PHF14: variants seen among roughly 807,000 people sequenced by gnomAD.
PHF14 encodes the protein PHD finger protein 14.
Under a neutral mutation model 117.9 loss-of-function variants are expected in PHF14, and 55 were observed. That is an observed-to-expected ratio of 0.47 (90% CI 0.38 to 0.58). The LOEUF (loss-of-function observed/expected upper bound fraction) is 0.58. Ranked by LOEUF, PHF14 falls within the 20% of genes least tolerant of loss-of-function variation. PHF14 has a pLI of 0.00. For synonymous variants in PHF14, 409 were observed against 368.6 expected, an observed-to-expected ratio of 1.11 and a Z score of -1.26; for missense variants, 978 against 1,122.2, an observed-to-expected ratio of 0.87 and a Z score of 1.84.
At chr7:11,067,466 G>C (rs1785461529) in intron 16 of PHF14, among the ~76,000 whole-genome samples, 2 of 152,108 alleles carry the variant, frequency 1.3e-5, no homozygotes, top group Admixed American at 6.5e-5. Flanking sequence ...ACTGCTTCTA[G>C]CTGTACACCC....
chr7:11,103,592 T>TACATGTAAATTGTCA, intron 16 of PHF14: 4 of 984,080 alleles, frequency 4.1e-6, no homozygotes, highest in Non-Finnish European at 3.6e-6. Flanking sequence ...ATTGCACTTA[T>TACATGTAAATTGTCA]ACATGTAAAT....
rs7800938 is a variant in PHF14, at chr7:11,125,755, T to G, written c.2772+14288T>G. ...TTTTTTCCTCTGGACTATATTCATA[T>G]GATAAATCTAATCTCTGGTCACCTA... is the stretch of plus-strand genomic sequence containing the variant. On this transcript the variant is annotated intron_variant, in intron 17 of 17. Coordinates refer to ENST00000634607, the MANE Select transcript of PHF14 (RefSeq NM_001007157.2). 5.4e-3 allele frequency among the ~76,000 whole-genome samples: 819 copies of G among 152,220 alleles called. 5 individuals carry two copies. The highest frequency in any genetic ancestry group is 0.019 in the African/African-American group (780 of 41,562).
Position 11,013,873 on chromosome 7 carries a change from A to G in PHF14, c.1172A>G (p.Gln391Arg). The G allele has an allele frequency of 4.4e-6, 7 of 1,604,448 alleles. No individual in the cohort carries two copies. The highest frequency in any genetic ancestry group is 6.0e-6 in the Non-Finnish European group (7 of 1,173,100). ...CCTAGCTGTGAACTGTGTCCTAATC[A>G]GGATGGAATTTTCAAGGAGACAGAT... ...VSPSCELCPNQDGIFKETDAG... is the reference protein window; with the variant it reads ...VSPSCELCPNRDGIFKETDAG... The change falls in exon 5 of 18, where the codon CAG becomes CGG. Residue 391 changes from glutamine (Q) to arginine (R), a missense_variant. Gln to Arg is a conservative substitution (Grantham distance 43). This residue lies in a region of PHF14 where 86 missense variants were observed against 137.8 expected (regional missense o/e 0.62). Transcript: ENST00000634607.
intron 14 of PHF14, among the ~76,000 whole-genome samples, chr7:11,057,990 G>T: frequency 6.6e-6 from 1 of 152,182 alleles, no homozygotes; most frequent in East Asian, 1.9e-4. Context: ...GTTTGGAATT[G>T]CACCCTTGCT....
At chr7:11,159,316 G>A (rs928448188) in intron 17 of PHF14, among the ~76,000 whole-genome samples, 77 of 152,088 alleles carry the variant, frequency 5.1e-4, no homozygotes, top group African/African-American at 1.8e-3. Context: ...GGTGCAGAAT[G>A]TGCAGGTTTG....
chr7:11,079,929 A>G (rs1417423382), intron 16 of PHF14, among the ~76,000 whole-genome samples: 3 of 152,154 alleles, frequency 2.0e-5, no homozygotes, highest in African/African-American at 7.2e-5. Flanking sequence ...TGTAACTCAA[A>G]AAGTGCCATA....
At chr7:11,035,296 A>C (rs1583395148) in intron 7 of PHF14, among the ~76,000 whole-genome samples, 1 of 152,124 alleles carries the variant, frequency 6.6e-6, no homozygotes, top group African/African-American at 2.4e-5. Context: ...TTGAGCATCC[A>C]CAGATTTTGG....
chr7:11,092,645 A>G (rs1320326373), intron 16 of PHF14, among the ~76,000 whole-genome samples: 1 of 152,138 alleles, frequency 6.6e-6, no homozygotes, highest in Non-Finnish European at 1.5e-5. Context: ...CCTTTTTTGC[A>G]TATGCCCACA....
chr7:11,094,840 A>G (rs536126436), intron 16 of PHF14, among the ~76,000 whole-genome samples: 1 of 152,132 alleles, frequency 6.6e-6, no homozygotes, highest in Non-Finnish European at 1.5e-5. Context: ...TATGGGGTCT[A>G]TCTTTCTTGT....
At chr7:11,082,110 G>T (rs1233151379) in intron 16 of PHF14, among the ~76,000 whole-genome samples, 1 of 152,096 alleles carries the variant, frequency 6.6e-6, no homozygotes, top group African/African-American at 2.4e-5. Context: ...TTGGGAGGCC[G>T]AGGTGGGAGG....
Position 11,035,684 on chromosome 7 carries a change from T to C in PHF14, c.1500T>C (p.Asp500=). 6.2e-7 allele frequency: 1 copy of C among 1,610,166 alleles called. No individual in the cohort carries two copies. Among genetic ancestry groups the C allele is most frequent in the Non-Finnish European group, 8.5e-7 (1 of 1,176,804 alleles). ...TTGCTTATTGTAAGCAACATGCAGATAGGTTAGACAGAAAGTGGAAGAGAA... is the reference window on the plus strand; with the variant it reads ...TTGCTTATTGTAAGCAACATGCAGACAGGTTAGACAGAAAGTGGAAGAGAA... The part of the protein sequence containing the change: ...PFFAYCKQHA[D]RLDRKWKRKN... The change falls in exon 8 of 18, where the codon GAT becomes GAC. Residue 500 remains aspartate, a synonymous_variant. Coordinates refer to ENST00000634607, the MANE Select transcript of PHF14 (RefSeq NM_001007157.2).
intron 13 of PHF14, 138 bp from the exon 14 acceptor site, chr7:11,051,474 A>G (rs998002176): frequency 2.7e-5 from 17 of 640,128 alleles, no homozygotes; most frequent in Middle Eastern, 4.2e-4. Flanking sequence ...TTTTTTCATT[A>G]TGTACCCTAT....
chr7:10,974,419 CG>C (rs1222859406), intron 1 of PHF14, 95 bp downstream of exon 1: 1 of 1,061,266 alleles, frequency 9.4e-7, no homozygotes, highest in Non-Finnish European at 1.4e-6. Flanking sequence ...GAGAGTCCTG[CG>C]GGAAAGCAGG....
chr7:10,982,826 A>G lies in PHF14; in HGVS notation c.567A>G (p.Arg189=). 6.2e-7 allele frequency: 1 copy of G among 1,613,900 alleles called. No homozygotes were observed. Among genetic ancestry groups the G allele is most frequent in the Non-Finnish European group, 8.5e-7 (1 of 1,179,872 alleles). ...EPKKWNLRRN[R]PLLDFVSMEE... is the part of the protein sequence containing the mutation. ...AAAAATGGAACCTTCGACGAAACCG[A>G]CCACTTCTGGATTTTGTGTCCATGG... Residue 189 remains arginine (R), a synonymous_variant, in exon 3 of 18, where the codon CGA becomes CGG. Coordinates refer to ENST00000634607, the MANE Select transcript of PHF14 (RefSeq NM_001007157.2).
At chr7:11,021,465 C>T (rs117442726) in intron 5 of PHF14, among the ~76,000 whole-genome samples, 55 of 152,200 alleles carry the variant, frequency 3.6e-4, no homozygotes, top group African/African-American at 1.2e-3. Flanking sequence ...AGTTGGTATC[C>T]TCACATGAGT....
chr7:11,065,365 T>G (rs1785389258), intron 16 of PHF14, among the ~76,000 whole-genome samples: 1 of 152,128 alleles, frequency 6.6e-6, no homozygotes, highest in Non-Finnish European at 1.5e-5. Flanking sequence ...ATGGAACTAC[T>G]TAGTGATACC....
chr7:11,053,658 C>T (rs1024919987), intron 14 of PHF14, among the ~76,000 whole-genome samples: 2 of 151,910 alleles, frequency 1.3e-5, no homozygotes, highest in Non-Finnish European at 2.9e-5. Flanking sequence ...TATTATCATC[C>T]TTAACTTTGG....
chr7:11,046,272 A>G (rs1784659786), intron 13 of PHF14, among the ~76,000 whole-genome samples: 1 of 152,200 alleles, frequency 6.6e-6, no homozygotes, highest in African/African-American at 2.4e-5. Context: ...GATTTATTAG[A>G]GTAGTTCAAA....
intron 6 of PHF14, among the ~76,000 whole-genome samples, chr7:11,026,263 A>G (rs1783908829): frequency 6.6e-6 from 1 of 152,208 alleles, no homozygotes; most frequent in African/African-American, 2.4e-5. Context: ...GTGATCATTA[A>G]CATTTTTTAG....
Sources: allele counts gnomAD v4.1 joint callset (sites outside exome capture counted in the v4.1 genomes callset), GRCh38; gene constraint gnomAD v4.1.1; regional missense constraint gnomAD v4.1.1; transcripts MANE v1.5; gene names NCBI Gene and HGNC (gene_info 2026-07-23, HGNC 2026-07-21).